Variants in XPO5 observed in about 807,000 individuals in gnomAD.
XPO5 encodes the protein exportin-5.
In XPO5, 46 loss-of-function variants were observed where a neutral mutation model predicts 160.6. The observed-to-expected ratio is 0.29, with a 90% confidence interval of 0.23 to 0.37. The LOEUF is 0.37. Among genes scored for constraint, XPO5 ranks in the 10% least tolerant of loss-of-function variants. XPO5 has a pLI of 1.00. For missense variants in XPO5, 1,090 were observed against 1,463.9 expected, an observed-to-expected ratio of 0.74 and a Z score of 4.17; for synonymous variants, 537 against 519.3, an observed-to-expected ratio of 1.03 and a Z score of -0.46.
rs766644466 is a variant in XPO5, at chr6:43,523,816, G to A, written c.*52C>T. 1 of 1,613,720 alleles carries A rather than the reference G, an allele frequency of 6.2e-7. No homozygotes were observed. The highest frequency in any genetic ancestry group is 8.5e-7 in the Non-Finnish European group (1 of 1,179,716). ...GAAGGGCCTAGAGATCGGCTACAAA[G>A]GGAAAGAAGAGATGACAAGAAAGGC... On this transcript the variant is annotated 3_prime_UTR_variant, in exon 32 of 32. Coordinates refer to ENST00000265351, the MANE Select transcript of XPO5 (RefSeq NM_020750.3).
At chr6:43,547,474 G>A in intron 19 of XPO5, 134 bp downstream of exon 19, 1 of 767,360 alleles carries the variant, frequency 1.3e-6, no homozygotes, top group Non-Finnish European at 2.3e-6. Flanking sequence ...AAAGAAAGGA[G>A]AAGCTTAGGG....
chr6:43,540,717 A>G (rs1794648988), intron 20 of XPO5, among the ~76,000 whole-genome samples: 1 of 152,198 alleles, frequency 6.6e-6, no homozygotes, highest in African/African-American at 2.4e-5. Context: ...GTCTCCAGCA[A>G]TGTTCCTGCT....
rs577868911 is a variant in XPO5, at chr6:43,564,924, CTT to C, written c.911+734_911+735del. On this transcript the variant is annotated intron_variant, in intron 8 of 31. Coordinates refer to ENST00000265351, the MANE Select transcript of XPO5 (RefSeq NM_020750.3). The stretch of plus-strand genomic sequence containing the variant: ...CAGCCATGACTGCCTCATTTTCTCT[CTT>C]TTTTTTTTTTTTTTGAGACAGAGTC... Among the ~76,000 whole-genome samples, 84 of 136,354 alleles carry C rather than the reference CTT, an allele frequency of 6.2e-4. 1 individual carries two copies. Among genetic ancestry groups the C allele is most frequent in the Middle Eastern group, 4.0e-3 (1 of 248 alleles). The allele number at this position is 136,354 out of a possible 152,430, so 89.5% of individuals were successfully genotyped here.
intron 20 of XPO5, chr6:43,544,345 A>C (rs1403246873): frequency 2.6e-5 from 4 of 152,932 alleles, no homozygotes; most frequent in Admixed American, 2.0e-4. Context: ...GGAGAAAGAC[A>C]TAGTGAACAC....
At chr6:43,534,207 A>C (rs1382986778) in intron 20 of XPO5, among the ~76,000 whole-genome samples, 200 bp from the exon 21 acceptor site, 1 of 152,216 alleles carries the variant, frequency 6.6e-6, no homozygotes, top group East Asian at 1.9e-4. Context: ...ATCTTAGTAT[A>C]CAATACCTAA....
intron 1 of XPO5, among the ~76,000 whole-genome samples, chr6:43,575,135 T>C (rs962193941): frequency 1.3e-5 from 2 of 152,176 alleles, no homozygotes; most frequent in African/African-American, 4.8e-5. Context: ...CTTGTTAAAA[T>C]GCAAAGTAAG....
Position 43,535,991 on chromosome 6 carries a change from T to C in XPO5, c.2343-1984A>G, listed in dbSNP as rs770044572. 7.4e-5 allele frequency among the ~76,000 whole-genome samples: 11 copies of C among 148,692 alleles called. 1 individual carries two copies. The highest frequency in any genetic ancestry group is 5.0e-5 in the African/African-American group (2 of 40,000). ...TATAAAAATTAGACGAGTATGGCGGTGCATGCCTGTAATCCCAGCTTCTCC... is the reference window on the plus strand; with the variant it reads ...TATAAAAATTAGACGAGTATGGCGGCGCATGCCTGTAATCCCAGCTTCTCC... On this transcript the variant is annotated intron_variant, in intron 20 of 31. Coordinates refer to ENST00000265351, the MANE Select transcript of XPO5 (RefSeq NM_020750.3).
Position 43,523,329 on chromosome 6 carries a change from C to G in XPO5, c.*539G>C, listed in dbSNP as rs1793313709. The G allele has an allele frequency of 8.2e-6, 2 of 243,464 alleles. No individual in the cohort carries two copies. The highest frequency in any genetic ancestry group is 4.5e-5 in the African/African-American group (2 of 44,452). 15.1% of individuals were successfully genotyped at this position (243,464 alleles called of 1,614,324 possible). ...CCAAAGCAAAGTTGAGAGAACTGAC[C>G]AAGTTCTCTTCAGCACTTAGCACCT... is the stretch of plus-strand genomic sequence containing the variant. On this transcript the variant is annotated 3_prime_UTR_variant, in exon 32 of 32. Coordinates refer to ENST00000265351, the MANE Select transcript of XPO5 (RefSeq NM_020750.3).
At chr6:43,556,421 AGAGT>A (rs1387467685) in intron 12 of XPO5, among the ~76,000 whole-genome samples, 3 of 151,540 alleles carry the variant, frequency 2.0e-5, no homozygotes, top group Non-Finnish European at 4.4e-5. Flanking sequence ...GTAACTTGGG[AGAGT>A]GAGGTAGGAG....
At position 43,534,488 on chromosome 6, in the gene XPO5, A is replaced by G. The variant is rs553015277; in HGVS notation, c.2343-481T>C. ...GATAGAGGAACACAATTCCCAACACATGCTGTCCCCCACCAAAATGACCTA... is the reference window on the plus strand; with the variant it reads ...GATAGAGGAACACAATTCCCAACACGTGCTGTCCCCCACCAAAATGACCTA... On this transcript the variant is annotated intron_variant, in intron 20 of 31. Transcript: ENST00000265351. Among the ~76,000 whole-genome samples the G allele has an allele frequency of 2.6e-5, 4 of 152,326 alleles. No homozygotes were observed. In the South Asian group the frequency reaches 8.3e-4, roughly 32 times the overall value.
intron 20 of XPO5, among the ~76,000 whole-genome samples, chr6:43,536,432 A>G (rs1411724252): frequency 6.7e-6 from 1 of 149,994 alleles, no homozygotes; most frequent in Non-Finnish European, 1.5e-5. Flanking sequence ...AAAAAAAGTC[A>G]TTCACTAACC....
chr6:43,525,209 A>C lies in XPO5; in HGVS notation c.3072T>G (p.Val1024=). The change falls in exon 29 of 32, where the codon GTT becomes GTG. Residue 1024 remains valine (V), a synonymous_variant. Transcript: ENST00000265351. ...LGKCLMKHED[V]CTALLITAFN... ...AGGCTGTAATTAATAGCGCTGTACAAACATCCTGAACAGGAAAAGATGAAG... is the reference window on the plus strand; with the variant it reads ...AGGCTGTAATTAATAGCGCTGTACACACATCCTGAACAGGAAAAGATGAAG... The C allele has an allele frequency of 3.8e-6, 6 of 1,572,122 alleles. No individual in the cohort carries two copies. The highest frequency in any genetic ancestry group is 5.2e-6 in the Non-Finnish European group (6 of 1,157,632).
chr6:43,531,777 C>A (rs755506827), intron 21 of XPO5, among the ~76,000 whole-genome samples: 3 of 151,846 alleles, frequency 2.0e-5, no homozygotes, highest in Non-Finnish European at 4.4e-5. Context: ...GGACTTTAGA[C>A]CCGGGTACTC....
chr6:43,553,648 CCT>C, intron 13 of XPO5, 145 bp from the exon 14 acceptor site: 2 of 1,400,944 alleles, frequency 1.4e-6, no homozygotes, highest in Non-Finnish European at 9.3e-7. Context: ...TAATCTAACC[CCT>C]CTCAGCTGGG....
chr6:43,567,038 A>G (rs1380807810), intron 7 of XPO5, 131 bp downstream of exon 7: 5 of 895,038 alleles, frequency 5.6e-6, no homozygotes, highest in Non-Finnish European at 8.2e-6. Flanking sequence ...GGGGGTTGGA[A>G]GCAGGCAGTA....
At chr6:43,554,544 C>T (rs915840608) in intron 13 of XPO5, among the ~76,000 whole-genome samples, 8 of 151,968 alleles carry the variant, frequency 5.3e-5, no homozygotes, top group Non-Finnish European at 8.8e-5. Context: ...CCTGCCTCAG[C>T]CTCCTGAGTA....
chr6:43,546,220 C>T (rs1051782811), intron 20 of XPO5, among the ~76,000 whole-genome samples: 1 of 152,078 alleles, frequency 6.6e-6, no homozygotes, highest in African/African-American at 2.4e-5. Context: ...TAGAAGGCAA[C>T]TGCCCTGCTC....
Position 43,568,799 on chromosome 6 carries a change from AC to A in XPO5, c.622-63del, listed in dbSNP as rs775801750. ...GCAAAAGGCCACATAATAACTTTCT[AC>A]CCCCCACAAATCAATGCCCTTGAAT... is the stretch of plus-strand genomic sequence containing the variant. On this transcript the variant is annotated intron_variant, in intron 5 of 31. Coordinates refer to ENST00000265351, the MANE Select transcript of XPO5 (RefSeq NM_020750.3). 6.4e-6 allele frequency: 9 copies of A among 1,406,946 alleles called. No individual in the cohort carries two copies. In the East Asian group the frequency reaches 1.2e-4, roughly 19 times the overall value. 87.2% of individuals were successfully genotyped at this position (1,406,946 alleles called of 1,614,324 possible).
chr6:43,555,641 A>G, intron 13 of XPO5, 195 bp downstream of exon 13: 1 of 550,664 alleles, frequency 1.8e-6, no homozygotes, highest in South Asian at 4.4e-5. Flanking sequence ...CCCTAATTTA[A>G]AACAAATTTA....
Sources: gnomAD v4.1 joint callset for allele counts (sites outside exome capture counted in the v4.1 genomes callset) on GRCh38, gnomAD v4.1.1 for gene constraint, MANE v1.5 for transcripts, NCBI Gene and HGNC (gene_info 2026-07-23, HGNC 2026-07-21) for gene names.